LIPA: variants seen among roughly 807,000 people sequenced by gnomAD.
The protein encoded by LIPA is lysosomal acid lipase/cholesteryl ester hydrolase.
Under a neutral mutation model 40.6 loss-of-function variants are expected in LIPA, and 26 were observed. The observed-to-expected ratio is 0.64, with a 90% CI of 0.47 to 0.89. The LOEUF (loss-of-function observed/expected upper bound fraction) is 0.89, where lower values mean the gene tolerates loss of function less well. LIPA is among the 40% of genes least tolerant of loss of function. LIPA has a pLI of 0.00. For missense variants in LIPA, 455 were observed against 479.6 expected, an observed-to-expected ratio of 0.95 and a Z score of 0.48; for synonymous variants, 188 against 168.4, an observed-to-expected ratio of 1.12 and a Z score of -0.90.
At chr10:89,295,720 G>A (rs150150969) in intron 1 of LIPA, among the ~76,000 whole-genome samples, 1 of 152,178 alleles carries the variant, frequency 6.6e-6, no homozygotes, top group African/African-American at 2.4e-5. Flanking sequence ...AATATGAACA[G>A]GGCCTATATT....
At position 89,328,192 on chromosome 10, in the gene LIPA, GT is replaced by G. The variant is rs1460808755; in HGVS notation, c.-2+14418del. On this transcript the variant is annotated intron_variant, in intron 1 of 5. Transcript: ENST00000282673. ...GTCCTGATGTTTATAGATTCAATAT[GT>G]CTTTATCAGTCTGAGCATTTGTAAG... The G allele has an allele frequency of 3.9e-6, 4 of 1,028,990 alleles. No individual in the cohort carries two copies. In the African/African-American group the frequency reaches 6.4e-5, roughly 16 times the overall value. 63.7% of individuals were successfully genotyped at this position (1,028,990 alleles called of 1,614,324 possible). A position where few individuals can be genotyped will look rare whatever the true frequency, so the allele number is the denominator to read the frequency against.
intron 1 of LIPA, among the ~76,000 whole-genome samples, chr10:89,259,912 C>A (rs982867238): frequency 6.6e-6 from 1 of 152,080 alleles, no homozygotes; most frequent in Admixed American, 6.6e-5. Context: ...GGCTGGATGA[C>A]AGAGAGGCAT....
At chr10:89,261,225 CT>C (rs1375708081) in intron 1 of LIPA, among the ~76,000 whole-genome samples, 2 of 152,216 alleles carry the variant, frequency 1.3e-5, no homozygotes, top group Non-Finnish European at 2.9e-5. Flanking sequence ...GATATGCATC[CT>C]TTGCCAAAAT....
intron 2 of LIPA, chr10:89,383,923 C>CTAAA: frequency 6.2e-7 from 1 of 1,614,180 alleles, no homozygotes; most frequent in Non-Finnish European, 8.5e-7. Flanking sequence ...ATTTTCTCTG[C>CTAAA]ACGTCCTAAA....
rs145163592 is a variant in LIPA, at chr10:89,225,105, T to C, written c.662A>G (p.Asp221Gly). The change falls in exon 6 of 10, where the codon GAT becomes GGT. Residue 221 changes from aspartate (D) to glycine (G), a missense_variant. Asp to Gly is a moderately conservative substitution (Grantham distance 94). Transcript: ENST00000336233. ...SPMAKLGRLP[D>G]HLIKDLFGDK... The stretch of plus-strand genomic sequence containing the variant: ...GGGTCCAAGTACCTTAATGAGATGA[T>C]CTGGTAATCGTCCTAATTTGGCCAT... The C allele has an allele frequency of 1.4e-4, 218 of 1,613,904 alleles. No homozygotes were observed. Among genetic ancestry groups the C allele is most frequent in the Middle Eastern group, 3.3e-4 (2 of 6,040 alleles).
intron 8 of LIPA, among the ~76,000 whole-genome samples, chr10:89,219,893 T>A (rs992941519): frequency 2.0e-5 from 3 of 152,176 alleles, no homozygotes; most frequent in African/African-American, 7.2e-5. Flanking sequence ...GCTTTGCAAA[T>A]ATTCTGGAGG....
chr10:89,365,931 C>T (rs781501), intron 2 of LIPA, among the ~76,000 whole-genome samples: 32,457 of 152,042 alleles, frequency 0.21, 4,551 homozygotes, highest in East Asian at 0.61. Context: ...CTTGGCAATG[C>T]GGGCTCTTTT....
chr10:89,306,472 A>C, intron 1 of LIPA: 1 of 1,614,192 alleles, frequency 6.2e-7, no homozygotes, highest in South Asian at 1.1e-5. Context: ...CAAAGAACCC[A>C]GAATTCACCT....
rs141270143 is a variant in LIPA, at chr10:89,338,358, G to A, written c.-2+4253C>T. On this transcript the variant is annotated intron_variant, in intron 1 of 5. Transcript: ENST00000282673. ...AGTCTAAGGGCAGAAAAAGACCAAT[G>A]TCCTAGCTCAAGCAGTCGGTCAGAG... 6.8e-5 allele frequency: 19 copies of A among 281,276 alleles called. No homozygotes were observed. The East Asian group carries it at 1.3e-3, about 20-fold the overall frequency. 17.4% of individuals were successfully genotyped at this position (281,276 alleles called of 1,614,324 possible).
intron 8 of LIPA, among the ~76,000 whole-genome samples, chr10:89,220,242 G>C (rs941315784): frequency 6.6e-6 from 1 of 152,156 alleles, no homozygotes; most frequent in Admixed American, 6.5e-5. Context: ...CTGTGTGTGG[G>C]CTGCTGGCAG....
intron 2 of LIPA, among the ~76,000 whole-genome samples, chr10:89,367,451 G>A (rs764587713): frequency 6.6e-6 from 1 of 152,176 alleles, no homozygotes; most frequent in Non-Finnish European, 1.5e-5. Context: ...TCTTATTCTT[G>A]TAAACAAGAT....
At chr10:89,312,326 A>G (rs1843521056) in intron 1 of LIPA, among the ~76,000 whole-genome samples, 1 of 152,102 alleles carries the variant, frequency 6.6e-6, no homozygotes, top group Admixed American at 6.5e-5. Context: ...CTGTAGTCCC[A>G]TCTACTTGGG....
At chr10:89,257,361 G>GGT (rs112130053) in intron 1 of LIPA, among the ~76,000 whole-genome samples, 129 of 151,240 alleles carry the variant, frequency 8.5e-4, no homozygotes, top group South Asian at 4.6e-3. Context: ...AGGTAGTAGT[G>GGT]GTGTGTGTGT....
chr10:89,306,407 G>A lies in LIPA; in HGVS notation c.-2+36204C>T, dbSNP rs1437339513. 5 of 1,614,024 alleles carry A rather than the reference G, an allele frequency of 3.1e-6. No individual in the cohort carries two copies. In the Admixed American group the frequency reaches 8.3e-5, roughly 27 times the overall value. ...AGGGTGGACACGGTTAAAGTGTGGA[G>A]GAAACCAAAATGAAAGAGCGAAGGT... On this transcript the variant is annotated intron_variant, in intron 1 of 5. Coordinates refer to the LIPA transcript ENST00000282673.
At chr10:89,316,031 T>C (rs975206053) in intron 1 of LIPA, among the ~76,000 whole-genome samples, 2 of 152,226 alleles carry the variant, frequency 1.3e-5, no homozygotes, top group Non-Finnish European at 2.9e-5. Context: ...AAGTCTTTCA[T>C]ATAACCGGCT....
Position 89,371,243 on chromosome 10 carries a change from C to T in LIPA, c.61+41548G>A, listed in dbSNP as rs74146915. Among the ~76,000 whole-genome samples, 1,427 of 152,320 alleles carry T rather than the reference C, an allele frequency of 9.4e-3. 21 individuals are homozygous for T. Among genetic ancestry groups the T allele is most frequent in the African/African-American group, 0.033 (1,370 of 41,576 alleles). The stretch of plus-strand genomic sequence containing the variant: ...AGACCAGCCACTCCTACATCATGTG[C>T]CACTGCCACTTCATGATCTTAATGC... On this transcript the variant is annotated intron_variant, in intron 2 of 8. Coordinates refer to the LIPA transcript ENST00000371837.
chr10:89,314,264 T>A (rs1843530567), intron 1 of LIPA, among the ~76,000 whole-genome samples: 1 of 152,238 alleles, frequency 6.6e-6, no homozygotes, highest in South Asian at 2.1e-4. Context: ...TAAATACTCA[T>A]ACGCAGGAAC....
intron 2 of LIPA, chr10:89,393,318 C>T: frequency 4.7e-6 from 6 of 1,285,818 alleles, no homozygotes; most frequent in Non-Finnish European, 6.1e-6. Context: ...AGATTGCCTC[C>T]TCCCTGGAAA....
At chr10:89,386,546 G>A (rs1029655204) in intron 2 of LIPA, among the ~76,000 whole-genome samples, 1 of 152,204 alleles carries the variant, frequency 6.6e-6, no homozygotes, top group Non-Finnish European at 1.5e-5. Flanking sequence ...TTGTAGGGGA[G>A]ATTTGCCTCC....
Sources: gnomAD v4.1 joint callset for allele counts (sites outside exome capture counted in the v4.1 genomes callset) on GRCh38, gnomAD v4.1.1 for gene constraint, MANE v1.5 for transcripts, NCBI Gene and HGNC (gene_info 2026-07-23, HGNC 2026-07-21) for gene names.